The following EFNA3 variants were observed in gnomAD, a reference collection of about 807,000 sequenced individuals.
The protein encoded by EFNA3 is ephrin-A3.
EFNA3 carries 15 observed loss-of-function variants against 25.0 expected under a neutral mutation model. The ratio of observed to expected loss-of-function variants is 0.60; its 90% confidence interval spans 0.40 to 0.92. The LOEUF is 0.92. EFNA3 is among the 40% of genes least tolerant of loss of function. EFNA3 has a pLI of 0.00. For synonymous variants in EFNA3, 153 were observed against 145.6 expected (o/e 1.05, Z -0.37); for missense variants, 298 against 323.8 (o/e 0.92, Z 0.61).
At position 155,085,792 on chromosome 1, in the gene EFNA3, T is replaced by G; in HGVS notation, c.443-85T>G. The G allele has an allele frequency of 6.6e-7, 1 of 1,516,396 alleles. No homozygotes were observed. Among genetic ancestry groups the G allele is most frequent in the Non-Finnish European group, 9.0e-7 (1 of 1,109,160 alleles). 93.9% of individuals were successfully genotyped at this position (1,516,396 alleles called of 1,614,324 possible). ...AAGGAGACCGCCCGACGGGGACAGT[T>G]TGGAGGGGGTGAGAAATAGAGCCGT... On this transcript the variant is annotated intron_variant, in intron 2 of 4. Coordinates refer to ENST00000368408, the MANE Select transcript of EFNA3 (RefSeq NM_004952.5). This position sits in a 1 kb window ranked among gnomAD's most constrained non-coding sequence, Gnocchi z 4.4.
rs900252843 is a variant in EFNA3, at chr1:155,085,271, G to A, written c.309G>A (p.Gln103=). ...RNGYRTCNAS[Q]GFKRWECNRP... is the part of the protein sequence containing the mutation. ...GCTACCGCACCTGCAACGCCAGCCA[G>A]GGCTTCAAGCGCTGGGAGTGCAACC... Residue 103 remains glutamine (Q), a synonymous_variant, in exon 2 of 5, where the codon CAG becomes CAA. Transcript: ENST00000368408. This position sits in a 1 kb window ranked among gnomAD's most constrained non-coding sequence, Gnocchi z 4.4. The A allele has an allele frequency of 1.9e-6, 3 of 1,613,020 alleles. No individual in the cohort carries two copies. The highest frequency in any genetic ancestry group is 2.5e-6 in the Non-Finnish European group (3 of 1,179,654).
chr1:155,079,274 C>T lies in EFNA3; in HGVS notation c.128+205C>T, dbSNP rs546078200. ...GAGGCTGTTGGGCTATAGTAAGGAG[C>T]GCTCGGGCCGTGTGGAGGAGGCTGC... On this transcript the variant is annotated intron_variant, in intron 1 of 4. Transcript: ENST00000368408. The surrounding 1 kb of genome is among the most constrained non-coding windows in gnomAD (Gnocchi z 7.7). 6.6e-6 allele frequency among the ~76,000 whole-genome samples: 1 copy of T among 152,056 alleles called. No individual in the cohort carries two copies. The highest frequency in any genetic ancestry group is 1.9e-4 in the East Asian group (1 of 5,178).
chr1:155,085,101 G>A lies in EFNA3; in HGVS notation c.139G>A (p.Glu47Lys). ...WNSSNQHLRR[E>K]GYTVQVNVND... ...TCCTCTTCCCCACAGCCTGCGGCGA[G>A]AGGGCTACACCGTGCAGGTGAACGT... Residue 47 changes from glutamate (E) to lysine (K), a missense_variant, in exon 2 of 5, where the codon GAG becomes AAG. Transcript: ENST00000368408. The surrounding 1 kb of genome is among the most constrained non-coding windows in gnomAD (Gnocchi z 4.4). 1 of 1,613,500 alleles carries A rather than the reference G, an allele frequency of 6.2e-7. No individual in the cohort carries two copies. The highest frequency in any genetic ancestry group is 8.5e-7 in the Non-Finnish European group (1 of 1,179,848).
At position 155,085,083 on chromosome 1, in the gene EFNA3, C is replaced by G. The variant is rs1446713641; in HGVS notation, c.129-8C>G. 1.9e-6 allele frequency: 3 copies of G among 1,613,182 alleles called. No individual in the cohort carries two copies. Among genetic ancestry groups the G allele is most frequent in the South Asian group, 1.1e-5 (1 of 91,002 alleles). Reference sequence around the variant, plus strand: ...TCTTCTCTCTGAGCCGCTTCCTCTTCCCCACAGCCTGCGGCGAGAGGGCTA... The same window carrying G: ...TCTTCTCTCTGAGCCGCTTCCTCTTGCCCACAGCCTGCGGCGAGAGGGCTA... On this transcript the variant is annotated splice_region_variant and splice_polypyrimidine_tract_variant and intron_variant, in intron 1 of 4. Coordinates refer to ENST00000368408, the MANE Select transcript of EFNA3 (RefSeq NM_004952.5). This position sits in a 1 kb window ranked among gnomAD's most constrained non-coding sequence, Gnocchi z 4.4.
chr1:155,082,691 G>T (rs1663365451), intron 1 of EFNA3, among the ~76,000 whole-genome samples: 1 of 152,178 alleles, frequency 6.6e-6, no homozygotes, highest in South Asian at 2.1e-4. Flanking sequence ...AGAACAGTAC[G>T]AAGGGGCAGG....
Position 155,080,992 on chromosome 1 carries a change from G to A in EFNA3, c.128+1923G>A, listed in dbSNP as rs1244126446. ...GGAGAGGGCCGGGGAGCTGGGGGCG[G>A]GGCCGACCGAGCCACAGGCTCCCGC... On this transcript the variant is annotated intron_variant, in intron 1 of 4. Transcript: ENST00000368408. This position sits in a 1 kb window ranked among gnomAD's most constrained non-coding sequence, Gnocchi z 7.0. Among the ~76,000 whole-genome samples, 2 of 152,026 alleles carry A rather than the reference G, an allele frequency of 1.3e-5. No homozygotes were observed. The highest frequency in any genetic ancestry group is 4.8e-5 in the African/African-American group (2 of 41,410).
Position 155,085,841 on chromosome 1 carries a change from T to C in EFNA3, c.443-36T>C, listed in dbSNP as rs1663444297. On this transcript the variant is annotated intron_variant, in intron 2 of 4. Transcript: ENST00000368408. This position sits in a 1 kb window ranked among gnomAD's most constrained non-coding sequence, Gnocchi z 4.4. ...GTCGAGGGAGGGCACAGGCACACAT[T>C]GGGCGAAAGTGACTCAGGCCCGGTC... 3 of 1,609,918 alleles carry C rather than the reference T, an allele frequency of 1.9e-6. No individual in the cohort carries two copies. Among genetic ancestry groups the C allele is most frequent in the Non-Finnish European group, 2.5e-6 (3 of 1,178,046 alleles).
At chr1:155,086,103 T>TGCCCAC in intron 3 of EFNA3, 25 bp from the exon 4 acceptor site, 1 of 1,577,736 alleles carries the variant, frequency 6.3e-7, no homozygotes, top group Non-Finnish European at 8.7e-7. Flanking sequence ...CCCTCCTCTC[T>TGCCCAC]CCCCACCCGC....
chr1:155,079,537 C>T lies in EFNA3; in HGVS notation c.128+468C>T, dbSNP rs907519195. Reference sequence around the variant, plus strand: ...CCAGAGCTGAGGCAGGGAGTCCGACCGAGCACCTCCCTAGAAGGAAGGCGA... The same window carrying T: ...CCAGAGCTGAGGCAGGGAGTCCGACTGAGCACCTCCCTAGAAGGAAGGCGA... On this transcript the variant is annotated intron_variant, in intron 1 of 4. Coordinates refer to ENST00000368408, the MANE Select transcript of EFNA3 (RefSeq NM_004952.5). This position sits in a 1 kb window ranked among gnomAD's most constrained non-coding sequence, Gnocchi z 7.7. Among the ~76,000 whole-genome samples the T allele has an allele frequency of 2.0e-5, 3 of 152,090 alleles. No individual in the cohort carries two copies. The highest frequency in any genetic ancestry group is 7.2e-5 in the African/African-American group (3 of 41,404).
chr1:155,086,264 T>A (rs1468024624), intron 4 of EFNA3, 59 bp downstream of exon 4: 43 of 1,598,568 alleles, frequency 2.7e-5, no homozygotes, highest in Middle Eastern at 3.3e-4. Flanking sequence ...CCCGCCCCGG[T>A]GCCTGCTCAC....
rs1210818327 is a variant in EFNA3 at position 155,086,171 on chromosome 1, C to T, written c.552C>T (p.Phe184=). 1.3e-5 allele frequency: 20 copies of T among 1,593,386 alleles called. No individual in the cohort carries two copies. The highest frequency in any genetic ancestry group is 1.5e-5 in the Non-Finnish European group (18 of 1,168,698). ...AGCCGGTCCCCACTCTCCCCCAGTTCACCATGGGCCCCAATGTGAAGATCA... is the reference window on the plus strand; with the variant it reads ...AGCCGGTCCCCACTCTCCCCCAGTTTACCATGGGCCCCAATGTGAAGATCA... ...GEKPVPTLPQ[F]TMGPNVKINV... is the part of the protein sequence containing the mutation. Residue 184 remains phenylalanine, a synonymous_variant, in exon 4 of 5, where the codon TTC becomes TTT. Coordinates refer to ENST00000368408, the MANE Select transcript of EFNA3 (RefSeq NM_004952.5).
In EFNA3 at chr1:155,086,725, T is replaced by C; in HGVS notation, c.*182T>C. On this transcript the variant is annotated 3_prime_UTR_variant, in exon 5 of 5. Coordinates refer to ENST00000368408, the MANE Select transcript of EFNA3 (RefSeq NM_004952.5). ...CTTCCCCCCACGTAGGGCACTGTAG[T>C]GGACCAAGCACGGGGACAGCCATGG... 1.4e-6 allele frequency: 1 copy of C among 730,800 alleles called. No individual in the cohort carries two copies. The highest frequency in any genetic ancestry group is 2.2e-6 in the Non-Finnish European group (1 of 464,112). The allele number at this position is 730,800 out of a possible 1,614,324, so 45.3% of individuals were successfully genotyped here. A position where few individuals can be genotyped will look rare whatever the true frequency, so the allele number is the denominator to read the frequency against.
rs566775296 is a variant in EFNA3, at chr1:155,078,864, G to C, written c.-78G>C. 4.6e-6 allele frequency: 6 copies of C among 1,304,062 alleles called. No homozygotes were observed. Among genetic ancestry groups the C allele is most frequent in the Non-Finnish European group, 5.8e-6 (6 of 1,027,270 alleles). 80.8% of individuals were successfully genotyped at this position (1,304,062 alleles called of 1,614,324 possible). ...CCTAAGGCTGGGGGCCGACGGCGGCGGCAGCAGGGAGCTGGGAAGCGGAGA... is the reference window on the plus strand; with the variant it reads ...CCTAAGGCTGGGGGCCGACGGCGGCCGCAGCAGGGAGCTGGGAAGCGGAGA... On this transcript the variant is annotated 5_prime_UTR_variant, in exon 1 of 5. Transcript: ENST00000368408.
rs1168022972 is a variant in EFNA3, at chr1:155,080,155, G to T, written c.128+1086G>T. Reference sequence around the variant, plus strand: ...GCGGGGGTCACTGTCACACCTGCCCGGGCGGTGGCGGCAGCACTGCCTCTG... The same window carrying T: ...GCGGGGGTCACTGTCACACCTGCCCTGGCGGTGGCGGCAGCACTGCCTCTG... On this transcript the variant is annotated intron_variant, in intron 1 of 4. Transcript: ENST00000368408. The surrounding 1 kb of genome is among the most constrained non-coding windows in gnomAD (Gnocchi z 7.0). 1.3e-5 allele frequency among the ~76,000 whole-genome samples: 2 copies of T among 152,122 alleles called. No homozygotes were observed. The highest frequency in any genetic ancestry group is 1.3e-4 in the Admixed American group (2 of 15,280).
chr1:155,082,279 CT>C (rs1428917949), intron 1 of EFNA3, among the ~76,000 whole-genome samples: 1 of 152,258 alleles, frequency 6.6e-6, no homozygotes, highest in Non-Finnish European at 1.5e-5. Context: ...TCCTCCACCC[CT>C]GTAACTCTGC....
In EFNA3 at chr1:155,085,509, A is replaced by G; in HGVS notation, c.442+105A>G. On this transcript the variant is annotated intron_variant, in intron 2 of 4. Coordinates refer to ENST00000368408, the MANE Select transcript of EFNA3 (RefSeq NM_004952.5). The surrounding 1 kb of genome is among the most constrained non-coding windows in gnomAD (Gnocchi z 4.4). ...GGGCGGGGCCGGCGCGGCGGGCGCC[A>G]GGTCTCGCGGCTGAGACCAGGGAGG... 2 of 1,371,284 alleles carry G rather than the reference A, an allele frequency of 1.5e-6. No individual in the cohort carries two copies. Among genetic ancestry groups the G allele is most frequent in the East Asian group, 2.5e-5 (1 of 39,480 alleles). 84.9% of individuals were successfully genotyped at this position (1,371,284 alleles called of 1,614,324 possible). A position where few individuals can be genotyped will look rare whatever the true frequency, so the allele number is the denominator to read the frequency against.
At chr1:155,082,960 C>T (rs1315001491) in intron 1 of EFNA3, among the ~76,000 whole-genome samples, 2 of 152,190 alleles carry the variant, frequency 1.3e-5, no homozygotes, top group Non-Finnish European at 2.9e-5. Context: ...CCAACTGGGC[C>T]CAGCCACCCC....
In EFNA3 at chr1:155,086,118, C is replaced by CCCCCCCCCCCAA; in HGVS notation, c.509-10_509-9insCCCCCCCCCCAA. On this transcript the variant is annotated splice_polypyrimidine_tract_variant and intron_variant, in intron 3 of 4. Coordinates refer to ENST00000368408, the MANE Select transcript of EFNA3 (RefSeq NM_004952.5). ...CCCTCCTCTCTCCCCACCCGCACCC[C>CCCCCCCCCCCAA]ACCCCGCAGCATCGCACTCCGGGGA... 2 of 1,608,890 alleles carry CCCCCCCCCCCAA rather than the reference C, an allele frequency of 1.2e-6. No individual in the cohort carries two copies. Among genetic ancestry groups the CCCCCCCCCCCAA allele is most frequent in the Non-Finnish European group, 1.7e-6 (2 of 1,176,398 alleles).
chr1:155,085,459 C>T lies in EFNA3; in HGVS notation c.442+55C>T. The T allele has an allele frequency of 2.0e-6, 3 of 1,472,330 alleles. No individual in the cohort carries two copies. The highest frequency in any genetic ancestry group is 2.0e-4 in the Middle Eastern group (1 of 4,986). The allele number at this position is 1,472,330 out of a possible 1,614,324, so 91.2% of individuals were successfully genotyped here. ...TGAACGCGAGAGTCTGAGTGACAGC[C>T]GGGGGGTGGAGCCCCTAGGCTCCGG... On this transcript the variant is annotated intron_variant, in intron 2 of 4. Coordinates refer to ENST00000368408, the MANE Select transcript of EFNA3 (RefSeq NM_004952.5). This position sits in a 1 kb window ranked among gnomAD's most constrained non-coding sequence, Gnocchi z 4.4.
Sources: allele counts gnomAD v4.1 joint callset (sites outside exome capture counted in the v4.1 genomes callset), GRCh38; gene constraint gnomAD v4.1.1; non-coding constraint Gnocchi (gnomAD v3.1); transcripts MANE v1.5; gene names NCBI Gene and HGNC (gene_info 2026-07-23, HGNC 2026-07-21).